The following MYO16 variants were observed in gnomAD, a reference collection of about 807,000 sequenced individuals.
MYO16 encodes unconventional myosin-XVI.
In MYO16, 94 loss-of-function variants were observed where a neutral mutation model predicts 205.3. The ratio of observed to expected loss-of-function variants is 0.46; its 90% CI spans 0.39 to 0.54. The LOEUF is 0.54. Among genes scored for constraint, MYO16 ranks in the 20% least tolerant of loss-of-function variants. MYO16 has a pLI of 0.00. For missense variants in MYO16, 2,315 were observed against 2,387.5 expected, an observed-to-expected ratio of 0.97 and a Z score of 0.63; for synonymous variants, 988 against 954.0, an observed-to-expected ratio of 1.04 and a Z score of -0.66.
rs149087241 is a variant in MYO16 at position 108,686,439 on chromosome 13, C to T, written c.292+20290C>T. ...AGGCCTGTAATATTTACACTGAGAA[C>T]TGAGATCCAGGTAGGAATATAAGGG... On this transcript the variant is annotated intron_variant, in intron 2 of 34. Coordinates refer to ENST00000457511, the MANE Select transcript of MYO16 (RefSeq NM_001198950.3). 2.2e-3 allele frequency among the ~76,000 whole-genome samples: 330 copies of T among 152,266 alleles called. 1 individual carries two copies. The highest frequency in any genetic ancestry group is 7.4e-3 in the African/African-American group (306 of 41,544).
chr13:109,012,769 A>G (rs1233696764), intron 22 of MYO16, among the ~76,000 whole-genome samples: 2 of 120,464 alleles, frequency 1.7e-5, no homozygotes, highest in South Asian at 3.1e-4. Context: ...TTGTTGTTAT[A>G]TGTGTGTGTG....
intron 1 of MYO16, among the ~76,000 whole-genome samples, chr13:108,649,036 G>A (rs1338291215): frequency 6.7e-6 from 1 of 149,136 alleles, no homozygotes; most frequent in Non-Finnish European, 1.5e-5. Context: ...ATATTCCAGT[G>A]TCCCAGGAAG....
At chr13:108,822,397 A>G (rs548640158) in intron 8 of MYO16, among the ~76,000 whole-genome samples, 18 of 152,290 alleles carry the variant, frequency 1.2e-4, no homozygotes, top group Admixed American at 9.8e-4. Flanking sequence ...GTGGTCACAC[A>G]GTCTGGTCCT....
intron 9 of MYO16, among the ~76,000 whole-genome samples, chr13:108,831,020 A>C (rs190955620): frequency 1.3e-3 from 196 of 152,286 alleles, no homozygotes; most frequent in African/African-American, 3.5e-3. Flanking sequence ...TTTCTCATGA[A>C]CAGTGCCTTC....
chr13:108,625,417 A>C (rs1352960526), upstream of MYO16, among the ~76,000 whole-genome samples: 1 of 152,184 alleles, frequency 6.6e-6, no homozygotes, highest in Non-Finnish European at 1.5e-5. Flanking sequence ...CTATAGCAAG[A>C]GCTGAGTGTA....
intron 1 of MYO16, among the ~76,000 whole-genome samples, chr13:108,597,097 T>G (rs569331079): frequency 3.3e-5 from 5 of 152,340 alleles, no homozygotes; most frequent in African/African-American, 1.2e-4. Context: ...TTGTTTAAGT[T>G]AAAAAATAAC....
intron 23 of MYO16, among the ~76,000 whole-genome samples, chr13:109,022,689 T>TA (rs1491449104): frequency 8.4e-6 from 1 of 118,854 alleles, no homozygotes. Context: ...CATATAAACA[T>TA]GTATATATTT....
chr13:108,850,806 C>A (rs527446738), intron 10 of MYO16, among the ~76,000 whole-genome samples: 1 of 152,320 alleles, frequency 6.6e-6, no homozygotes, highest in African/African-American at 2.4e-5. Context: ...TGCTCTCACA[C>A]TGGCTCTGCC....
intron 2 of MYO16, among the ~76,000 whole-genome samples, chr13:108,680,985 G>T (rs183597618): frequency 2.6e-5 from 4 of 152,280 alleles, no homozygotes; most frequent in Admixed American, 2.6e-4. Context: ...CCTTCTCATG[G>T]TCTTGGTCTC....
At chr13:109,048,717 A>T (rs1887135254) in intron 24 of MYO16, 1 of 171,776 alleles carries the variant, frequency 5.8e-6, no homozygotes, top group Non-Finnish European at 1.2e-5. Flanking sequence ...TGTAATTCAT[A>T]AATAATAATT....
chr13:108,758,269 T>C (rs1183643649), intron 4 of MYO16, among the ~76,000 whole-genome samples: 2 of 152,324 alleles, frequency 1.3e-5, no homozygotes, highest in South Asian at 2.1e-4. Context: ...CACTTGACTA[T>C]TGGGATTTTT....
intron 9 of MYO16, among the ~76,000 whole-genome samples, chr13:108,836,025 G>A (rs1402540324): frequency 1.3e-5 from 2 of 152,184 alleles, no homozygotes; most frequent in East Asian, 1.9e-4. Flanking sequence ...TGGGGAAAAT[G>A]TCTCCAGGGC....
chr13:108,738,523 C>A (rs185590434), intron 4 of MYO16, among the ~76,000 whole-genome samples: 9 of 152,254 alleles, frequency 5.9e-5, no homozygotes, highest in East Asian at 1.9e-4. Context: ...AATTCCTGTT[C>A]TTTTACATTT....
chr13:108,748,899 G>C (rs1439248527), intron 4 of MYO16, among the ~76,000 whole-genome samples: 2 of 152,062 alleles, frequency 1.3e-5, no homozygotes, highest in African/African-American at 4.8e-5. Context: ...CAGAATCTAG[G>C]TGACCTCTGA....
intron 20 of MYO16, among the ~76,000 whole-genome samples, chr13:108,973,663 GAGAAAAA>G (rs1195305205): frequency 6.6e-6 from 1 of 151,910 alleles, no homozygotes; most frequent in African/African-American, 2.4e-5. Context: ...ACTCAGAAAA[GAGAAAAA>G]AGAACACATC....
chr13:108,999,119 A>G (rs925837265), intron 21 of MYO16, among the ~76,000 whole-genome samples: 4 of 152,198 alleles, frequency 2.6e-5, no homozygotes, highest in African/African-American at 4.8e-5. Flanking sequence ...AATGGTTGCT[A>G]TATTAGTCTA....
Position 109,175,599 on chromosome 13 carries a change from T to C in MYO16, c.5324-3943T>C, listed in dbSNP as rs60921971. On this transcript the variant is annotated intron_variant, in intron 33 of 34. Transcript: ENST00000457511. ...CATAATGGACCAAAAGCTCAACTTT[T>C]TGAAGCACACTATTGCCCTGGAAAG... 3.7e-3 allele frequency among the ~76,000 whole-genome samples: 565 copies of C among 152,228 alleles called. 4 individuals are homozygous for C. Among genetic ancestry groups the C allele is most frequent in the African/African-American group, 0.013 (527 of 41,512 alleles).
In MYO16 at chr13:109,202,599, A is replaced by G. The variant is rs112908426; in HGVS notation, c.5416-4010A>G. Among the ~76,000 whole-genome samples the G allele has an allele frequency of 5.4e-3, 826 of 152,324 alleles. 9 individuals carry two copies. Among genetic ancestry groups the G allele is most frequent in the African/African-American group, 0.018 (765 of 41,574 alleles). ...ACACATCCCATGCTCTTTGATGGGT[A>G]GAATCAACATTGTGAAAATGACCAT... is the stretch of plus-strand genomic sequence containing the variant. On this transcript the variant is annotated intron_variant, in intron 34 of 34. Coordinates refer to ENST00000457511, the MANE Select transcript of MYO16 (RefSeq NM_001198950.3).
intron 13 of MYO16, among the ~76,000 whole-genome samples, 173 bp from the exon 14 acceptor site, chr13:108,888,199 G>C (rs1305870296): frequency 6.6e-6 from 1 of 152,164 alleles, no homozygotes; most frequent in Non-Finnish European, 1.5e-5. Context: ...TGTGAACGGA[G>C]ACCACAAACT....
Sources: gnomAD v4.1 joint callset for allele counts (sites outside exome capture counted in the v4.1 genomes callset) on GRCh38, gnomAD v4.1.1 for gene constraint, MANE v1.5 for transcripts, NCBI Gene and HGNC (gene_info 2026-07-23, HGNC 2026-07-21) for gene names.